Variants in CD1E observed in about 807,000 individuals in gnomAD.
CD1E encodes the protein CD1e molecule.
Under a neutral mutation model 40.1 loss-of-function variants are expected in CD1E, and 49 were observed. The observed-to-expected ratio is 1.22, with a 90% CI of 0.97 to 1.55. CD1E has a LOEUF of 1.55. CD1E is among the 40% of genes most tolerant of loss of function. CD1E has a pLI of 0.00. For missense variants in CD1E, 492 were observed against 471.3 expected (o/e 1.04, Z -0.41); for synonymous variants, 189 against 178.3 (o/e 1.06, Z -0.48).
intron 5 of CD1E, 22 bp downstream of exon 5, chr1:158,356,613 G>C: frequency 6.2e-7 from 1 of 1,603,016 alleles, no homozygotes; most frequent in South Asian, 1.1e-5. Flanking sequence ...CTTGTTCTTT[G>C]TTTCTTCAGC....
chr1:158,357,184 A>C lies in CD1E; in HGVS notation c.*288A>C. 3.6e-6 allele frequency: 1 copy of C among 275,264 alleles called. No homozygotes were observed. 17.1% of individuals were successfully genotyped at this position (275,264 alleles called of 1,614,324 possible). On this transcript the variant is annotated 3_prime_UTR_variant, in exon 6 of 6. Coordinates refer to ENST00000368167, the MANE Select transcript of CD1E (RefSeq NM_030893.4). ...CTCCCCAAATTGAACTGATCTTCAC[A>C]AGCACATTCATCTCTTCCTACTCTG...
chr1:158,354,401 A>C lies in CD1E; in HGVS notation c.83A>C (p.His28Pro), dbSNP rs1404482640. 3.5e-5 allele frequency: 56 copies of C among 1,611,258 alleles called. No homozygotes were observed. The highest frequency in any genetic ancestry group is 4.6e-5 in the Non-Finnish European group (54 of 1,178,644). Reference sequence around the variant, plus strand: ...GCTCCCCAGGCTCTACAATCCTATCATCTAGCAGCAGAGGAGCAGCTGTCC... The same window carrying C: ...GCTCCCCAGGCTCTACAATCCTATCCTCTAGCAGCAGAGGAGCAGCTGTCC... ...TAAPQALQSY[H>P]LAAEEQLSFR... is the part of the protein sequence containing the mutation. The change falls in exon 2 of 6, where the codon CAT becomes CCT. Residue 28 changes from histidine to proline, a missense_variant. His to Pro is a moderately conservative substitution (Grantham distance 77). Coordinates refer to ENST00000368167, the MANE Select transcript of CD1E (RefSeq NM_030893.4).
Position 158,357,083 on chromosome 1 carries a change from T to C in CD1E, c.*187T>C, listed in dbSNP as rs1351092761. Reference sequence around the variant, plus strand: ...TGCTTTGGCTACATATCCATCATTGTTTATTTTTGAAACTATAATCCAGAT... The same window carrying C: ...TGCTTTGGCTACATATCCATCATTGCTTATTTTTGAAACTATAATCCAGAT... On this transcript the variant is annotated 3_prime_UTR_variant, in exon 6 of 6. Transcript: ENST00000368167. 2.1e-5 allele frequency: 12 copies of C among 560,702 alleles called. No homozygotes were observed. The highest frequency in any genetic ancestry group is 1.5e-4 in the South Asian group (6 of 41,204). 34.7% of individuals were successfully genotyped at this position (560,702 alleles called of 1,614,324 possible). A position where few individuals can be genotyped will look rare whatever the true frequency, so the allele number is the denominator to read the frequency against.
chr1:158,355,323 G>A lies in CD1E; in HGVS notation c.379G>A (p.Ala127Thr), dbSNP rs200314937. The A allele has an allele frequency of 1.1e-4, 180 of 1,613,730 alleles. No homozygotes were observed. Among genetic ancestry groups the A allele is most frequent in the Non-Finnish European group, 1.4e-4 (165 of 1,179,880 alleles). The change falls in exon 3 of 6, where the codon GCT becomes ACT. Residue 127 changes from alanine to threonine, a missense_variant. Coordinates refer to ENST00000368167, the MANE Select transcript of CD1E (RefSeq NM_030893.4). ...LEYPFEIQIL[A>T]GCRMNAPQIF... ...AGACCCCTTCGAGATCCAGATATTA[G>A]CTGGCTGTAGAATGAATGCCCCACA...
Position 158,353,940 on chromosome 1 carries a change from T to A in CD1E, c.-49T>A. On this transcript the variant is annotated 5_prime_UTR_variant, in exon 1 of 6. Coordinates refer to ENST00000368167, the MANE Select transcript of CD1E (RefSeq NM_030893.4). ...TGGAGAGGGGTACTGATATCTGAAT[T>A]ATTAGGGCAGGTGTCCTGCCAAGGA... The A allele has an allele frequency of 6.7e-7, 1 of 1,485,488 alleles. No homozygotes were observed. Among genetic ancestry groups the A allele is most frequent in the South Asian group, 1.1e-5 (1 of 88,372 alleles). 92.0% of individuals were successfully genotyped at this position (1,485,488 alleles called of 1,614,324 possible).
At chr1:158,355,231 G>A in intron 2 of CD1E, 69 bp from the exon 3 acceptor site, 2 of 1,490,058 alleles carry the variant, frequency 1.3e-6, no homozygotes, top group Non-Finnish European at 1.8e-6. Flanking sequence ...TCTCTTTACT[G>A]TCTAAATTGT....
chr1:158,356,668 T>TC (rs1653734249), intron 5 of CD1E, 60 bp from the exon 6 acceptor site: 3 of 1,563,010 alleles, frequency 1.9e-6, no homozygotes, highest in South Asian at 1.2e-5. Flanking sequence ...TTTTTTTTTT[T>TC]CTCTGCCTTT....
Position 158,356,839 on chromosome 1 carries a change from G to A in CD1E, c.1110G>A (p.Ser370=), listed in dbSNP as rs115073917. 108 of 1,613,856 alleles carry A rather than the reference G, an allele frequency of 6.7e-5. No individual in the cohort carries two copies. In the East Asian group the frequency reaches 8.0e-4, roughly 12 times the overall value. ...ATCAGTTCTGCTTGGCACAAGTATC[G>A]TGGATCAAAAACAGAGTATTGAAGA... ...SRHQFCLAQV[S]WIKNRVLKKW... is the part of the protein sequence containing the mutation. The change falls in exon 6 of 6, where the codon TCG becomes TCA. Residue 370 remains serine, a synonymous_variant. Coordinates refer to ENST00000368167, the MANE Select transcript of CD1E (RefSeq NM_030893.4).
chr1:158,354,082 G>A, intron 1 of CD1E, 36 bp downstream of exon 1: 1 of 1,554,242 alleles, frequency 6.4e-7, no homozygotes, highest in South Asian at 1.1e-5. Context: ...ACCTATGGTA[G>A]GGCACCAGAG....
rs772268165 is a variant in CD1E, at chr1:158,356,081, G to A, written c.880G>A (p.Gly294Ser). ...TCGGGTGAAACACAGCAGTCTAGGG[G>A]GCCATGATCTAATCATCCATTGGGG... ...SCRVKHSSLG[G>S]HDLIIHWGGY... The change falls in exon 4 of 6, where the codon GGC becomes AGC. Residue 294 changes from glycine to serine, a missense_variant. Physicochemically the swap from Gly to Ser is moderately conservative, Grantham distance 56. Coordinates refer to ENST00000368167, the MANE Select transcript of CD1E (RefSeq NM_030893.4). 2 of 1,613,846 alleles carry A rather than the reference G, an allele frequency of 1.2e-6. No homozygotes were observed. Among genetic ancestry groups the A allele is most frequent in the South Asian group, 2.2e-5 (2 of 91,044 alleles).
rs771896654 is a variant in CD1E, at chr1:158,353,954, T to G, written c.-35T>G. ...GATATCTGAATTATTAGGGCAGGTG[T>G]CCTGCCAAGGAATCCCTCCTTTAAC... On this transcript the variant is annotated 5_prime_UTR_variant, in exon 1 of 6. Coordinates refer to ENST00000368167, the MANE Select transcript of CD1E (RefSeq NM_030893.4). The G allele has an allele frequency of 1.0e-5, 16 of 1,552,486 alleles. No individual in the cohort carries two copies. The highest frequency in any genetic ancestry group is 1.7e-5 in the Admixed American group (1 of 59,904).
Position 158,357,440 on chromosome 1 carries a change from CAA to C in CD1E, c.*545_*546del, listed in dbSNP as rs1028620146. 4 of 152,348 alleles carry C rather than the reference CAA, an allele frequency of 2.6e-5. No individual in the cohort carries two copies. Among genetic ancestry groups the C allele is most frequent in the African/African-American group, 9.6e-5 (4 of 41,576 alleles). The allele number at this position is 152,348 out of a possible 1,614,324, so 9.4% of individuals were successfully genotyped here. ...CTTGGAATCCTTAGTCATTTTCAAA[CAA>C]GAGATATTGTATTTTCATTTTTCAC... is the stretch of plus-strand genomic sequence containing the variant. On this transcript the variant is annotated 3_prime_UTR_variant, in exon 6 of 6. Transcript: ENST00000368167.
chr1:158,355,952 C>A lies in CD1E; in HGVS notation c.751C>A (p.Gln251Lys). The change falls in exon 4 of 6, where the codon CAG becomes AAG. Residue 251 changes from glutamine (Q) to lysine (K), a missense_variant. Coordinates refer to ENST00000368167, the MANE Select transcript of CD1E (RefSeq NM_030893.4). ...WVMWMRGEQE[Q>K]RGTQRGDVLP... ...GATGTGGATGCGGGGTGAGCAGGAG[C>A]AGCGGGGCACTCAGCGAGGGGACGT... 1 of 1,614,138 alleles carries A rather than the reference C, an allele frequency of 6.2e-7. No individual in the cohort carries two copies. The highest frequency in any genetic ancestry group is 1.7e-5 in the Admixed American group (1 of 60,022).
chr1:158,356,043 C>A lies in CD1E; in HGVS notation c.842C>A (p.Ala281Asp). The A allele has an allele frequency of 6.2e-7, 1 of 1,614,030 alleles. No individual in the cohort carries two copies. The highest frequency in any genetic ancestry group is 1.1e-5 in the South Asian group (1 of 91,074). ...CTGGATGTGGCGGCTGGGGAGGCAG[C>A]TGGCCTGTCCTGTCGGGTGAAACAC... ...ATLDVAAGEA[A>D]GLSCRVKHSS... is the part of the protein sequence containing the mutation. The change falls in exon 4 of 6, where the codon GCT becomes GAT. Residue 281 changes from alanine to aspartate, a missense_variant. Physicochemically the swap from Ala to Asp is moderately radical, Grantham distance 126 (BLOSUM62 -2). Coordinates refer to ENST00000368167, the MANE Select transcript of CD1E (RefSeq NM_030893.4).
Position 158,357,235 on chromosome 1 carries a change from CT to C in CD1E, c.*352del, listed in dbSNP as rs796107361. The C allele has an allele frequency of 0.03, 4,714 of 157,102 alleles. 5 individuals are homozygous for C. The highest frequency in any genetic ancestry group is 0.053 in the South Asian group (296 of 5,578). The allele number at this position is 157,102 out of a possible 1,614,324, so 9.7% of individuals were successfully genotyped here. On this transcript the variant is annotated 3_prime_UTR_variant, in exon 6 of 6. Transcript: ENST00000368167. The stretch of plus-strand genomic sequence containing the variant: ...AACAGTAGTTATTTAGGTTTTTGCT[CT>C]TTTTTTTTTTTTAATCTCAGTTGCT...
At position 158,355,481 on chromosome 1, in the gene CD1E, G is replaced by A. The variant is rs1414052295; in HGVS notation, c.537G>A (p.Lys179=). 6.2e-7 allele frequency: 1 copy of A among 1,614,136 alleles called. No homozygotes were observed. Among genetic ancestry groups the A allele is most frequent in the South Asian group, 1.1e-5 (1 of 91,080 alleles). Residue 179 remains lysine (K), a synonymous_variant, in exon 3 of 6, where the codon AAG becomes AAA. Coordinates refer to ENST00000368167, the MANE Select transcript of CD1E (RefSeq NM_030893.4). ...TGCTCAATCGCTACCTAGATATTAA[G>A]GAAATACTGCAAAGCCTTCTTGGTC... is the stretch of plus-strand genomic sequence containing the variant. ...CKVLNRYLDI[K]EILQSLLGHT... is the part of the protein sequence containing the mutation.
At position 158,355,405 on chromosome 1, in the gene CD1E, C is replaced by T. The variant is rs867813346; in HGVS notation, c.461C>T (p.Ser154Phe). 1 of 1,614,122 alleles carries T rather than the reference C, an allele frequency of 6.2e-7. No homozygotes were observed. ...GATTTCCTGAGTTTCCAAGGAATTT[C>T]CTGGGAGCCATCTCCAGGAGCAGGG... ...GSDFLSFQGI[S>F]WEPSPGAGIR... Residue 154 changes from serine (S) to phenylalanine (F), a missense_variant, in exon 3 of 6, where the codon TCC (serine) becomes TTC (phenylalanine). Transcript: ENST00000368167.
Position 158,356,717 on chromosome 1 carries a change from T to C in CD1E, c.999-11T>C. 1.2e-6 allele frequency: 2 copies of C among 1,613,012 alleles called. No individual in the cohort carries two copies. The highest frequency in any genetic ancestry group is 1.7e-6 in the Non-Finnish European group (2 of 1,179,418). On this transcript the variant is annotated splice_polypyrimidine_tract_variant and intron_variant, in intron 5 of 5. Transcript: ENST00000368167. ...TTTCTTTGAGATTAATATCCTCCTC[T>C]TTTCCCACAGTTCAAATAAGAACAT...
rs762882685 is a variant in CD1E at position 158,355,867 on chromosome 1, C to A, written c.666C>A (p.Gly222=). The A allele has an allele frequency of 7.4e-6, 12 of 1,613,996 alleles. No individual in the cohort carries two copies. The Admixed American group carries it at 1.5e-4, about 20-fold the overall frequency. ...GGCTGTCCTGTGGCCCCAGTCCTGG[C>A]CCTGGCCGTCTGCAGCTTGTGTGCC... ...EAWLSCGPSP[G]PGRLQLVCHV... The change falls in exon 4 of 6, where the codon GGC becomes GGA. Residue 222 remains glycine (G), a synonymous_variant. Coordinates refer to ENST00000368167, the MANE Select transcript of CD1E (RefSeq NM_030893.4).
Sources: gnomAD v4.1 joint callset for allele counts on GRCh38, gnomAD v4.1.1 for gene constraint, MANE v1.5 for transcripts, NCBI Gene and HGNC (gene_info 2026-07-23, HGNC 2026-07-21) for gene names.